RIMS1: variants seen among roughly 807,000 people sequenced by gnomAD.
RIMS1 encodes the protein regulating synaptic membrane exocytosis protein 1.
Under a neutral mutation model 214.1 loss-of-function variants are expected in RIMS1, and 83 were observed. That is an observed-to-expected ratio of 0.39 (90% CI 0.32 to 0.47). The LOEUF (loss-of-function observed/expected upper bound fraction) is 0.47, where lower values mean the gene tolerates loss of function less well. RIMS1 is among the 20% of genes least tolerant of loss of function. The probability of loss-of-function intolerance (pLI) is 0.99; values close to 1 mark genes in which losing one functional copy is unlikely to be tolerated. For synonymous variants in RIMS1, 793 were observed against 786.8 expected (o/e 1.01, Z -0.13); for missense variants, 2,050 against 2,161.8 (o/e 0.95, Z 1.03).
intron 29 of RIMS1, 99 bp downstream of exon 29, chr6:72,333,934 G>A (rs2096754699): frequency 2.3e-6 from 2 of 869,052 alleles, no homozygotes; most frequent in East Asian, 2.7e-5. Context: ...GGCATATTTG[G>A]TTCTTCTTTG....
At chr6:72,234,451 G>A (rs762192025) in intron 7 of RIMS1, among the ~76,000 whole-genome samples, 1 of 151,980 alleles carries the variant, frequency 6.6e-6, no homozygotes, top group Non-Finnish European at 1.5e-5. Flanking sequence ...AGAAAGTACA[G>A]AATTCCCATA....
chr6:72,016,297 T>G (rs1236972462), intron 2 of RIMS1, among the ~76,000 whole-genome samples: 2 of 152,176 alleles, frequency 1.3e-5, no homozygotes, highest in Non-Finnish European at 2.9e-5. Context: ...AGGGTAGTAT[T>G]GTTTTTTACT....
chr6:72,182,779 C>A lies in RIMS1; in HGVS notation c.1308C>A (p.Thr436=). 6.5e-7 allele frequency: 1 copy of A among 1,545,518 alleles called. No homozygotes were observed. Among genetic ancestry groups the A allele is most frequent in the Non-Finnish European group, 8.7e-7 (1 of 1,149,808 alleles). The change falls in exon 6 of 34, where the codon ACC becomes ACA. Residue 436 remains threonine (T), a synonymous_variant. Transcript: ENST00000521978. ...RAYSAERTAE[T]RAPGAKQLTN... ...ACTCGGCTGAGAGAACTGCGGAGACCAGGGCGCCGGGCGCCAAGCAGCTAA... is the reference window on the plus strand; with the variant it reads ...ACTCGGCTGAGAGAACTGCGGAGACAAGGGCGCCGGGCGCCAAGCAGCTAA...
At chr6:71,915,535 G>C (rs921130520) in intron 1 of RIMS1, among the ~76,000 whole-genome samples, 7 of 152,098 alleles carry the variant, frequency 4.6e-5, no homozygotes, top group African/African-American at 1.7e-4. Context: ...CACAAACTCT[G>C]TTTCTTCTCC....
chr6:72,313,266 G>A (rs536660965), intron 27 of RIMS1, among the ~76,000 whole-genome samples: 9 of 152,162 alleles, frequency 5.9e-5, no homozygotes, highest in African/African-American at 1.4e-4. Flanking sequence ...TTCCAATCAG[G>A]CATTTAATGA....
chr6:71,993,838 G>A (rs982507738), intron 2 of RIMS1, among the ~76,000 whole-genome samples: 15 of 152,106 alleles, frequency 9.9e-5, no homozygotes, highest in Non-Finnish European at 1.9e-4. Flanking sequence ...AAAAACTGGA[G>A]TTCTTTCAGA....
chr6:72,297,965 C>G (rs569311966), intron 26 of RIMS1, among the ~76,000 whole-genome samples: 1 of 151,996 alleles, frequency 6.6e-6, no homozygotes, highest in East Asian at 1.9e-4. Flanking sequence ...GTGAGTACAT[C>G]CCGGATAAAT....
chr6:72,279,853 A>C (rs1039024675), intron 23 of RIMS1, among the ~76,000 whole-genome samples: 3 of 151,926 alleles, frequency 2.0e-5, no homozygotes, highest in East Asian at 1.9e-4. Flanking sequence ...CTGGTTATAC[A>C]TGGGATAGCT....
intron 26 of RIMS1, among the ~76,000 whole-genome samples, chr6:72,303,764 G>A (rs1054291111): frequency 1.3e-5 from 2 of 151,422 alleles, no homozygotes; most frequent in Non-Finnish European, 3.0e-5. Context: ...ATACATTTTT[G>A]TAAACTAATA....
In RIMS1 at chr6:72,328,005, A is replaced by G. The variant is rs1053370977; in HGVS notation, c.4131-5595A>G. 7.9e-5 allele frequency among the ~76,000 whole-genome samples: 12 copies of G among 151,908 alleles called. 1 individual carries two copies. The highest frequency in any genetic ancestry group is 2.7e-4 in the African/African-American group (11 of 41,408). On this transcript the variant is annotated intron_variant, in intron 28 of 33. Coordinates refer to ENST00000521978, the MANE Select transcript of RIMS1 (RefSeq NM_014989.7). ...CATTCTACTATAAAGACACATGCAC[A>G]AGTATGTTTATTACAGCAATATTCA...
intron 2 of RIMS1, among the ~76,000 whole-genome samples, chr6:72,065,642 A>C (rs1829103536): frequency 6.6e-6 from 1 of 152,138 alleles, no homozygotes; most frequent in Non-Finnish European, 1.5e-5. Flanking sequence ...GTACTTTATC[A>C]AAGGTTTTGC....
Position 72,274,419 on chromosome 6 carries a change from C to G in RIMS1, c.3469C>G (p.Pro1157Ala), listed in dbSNP as rs770194954. ...CAGGATTCAAATCCAGCATGCGTCT[C>G]CGGAGAATGACAGGTACTAGTCAAC... ...SPRIQIQHAS[P>A]ENDRHSRKSE... The change falls in exon 23 of 34, where the codon CCG becomes GCG. Residue 1157 changes from proline to alanine, a missense_variant. Pro to Ala is a conservative substitution (Grantham distance 27). This residue lies in a region of RIMS1 where 889 missense variants were observed against 885.5 expected (regional missense o/e 1.00). Coordinates refer to ENST00000521978, the MANE Select transcript of RIMS1 (RefSeq NM_014989.7). 6.2e-7 allele frequency: 1 copy of G among 1,612,954 alleles called. No individual in the cohort carries two copies. The highest frequency in any genetic ancestry group is 1.7e-5 in the Admixed American group (1 of 59,982).
At chr6:72,247,372 C>A (rs1317508174) in intron 11 of RIMS1, among the ~76,000 whole-genome samples, 1 of 151,928 alleles carries the variant, frequency 6.6e-6, no homozygotes. Flanking sequence ...CCCGTCTCTA[C>A]TAAAAATACA....
chr6:71,956,500 A>G (rs911361463), intron 1 of RIMS1, among the ~76,000 whole-genome samples: 1 of 152,220 alleles, frequency 6.6e-6, no homozygotes, highest in African/African-American at 2.4e-5. Context: ...TTTGTAATAT[A>G]AGAGGAATAT....
chr6:72,179,379 C>A, intron 4 of RIMS1, 196 bp from the exon 5 acceptor site: 1 of 628,690 alleles, frequency 1.6e-6, no homozygotes, highest in Admixed American at 2.6e-5. Context: ...GAGAGGCTCT[C>A]TAGTCTCAGA....
chr6:72,218,098 G>GT (rs2056975103), intron 6 of RIMS1, among the ~76,000 whole-genome samples: 1 of 65,882 alleles, frequency 1.5e-5, no homozygotes, highest in Non-Finnish European at 2.8e-5. Flanking sequence ...AAATACAGCG[G>GT]TTTTTTTGCT....
chr6:72,085,712 A>G (rs1313292260), intron 2 of RIMS1, among the ~76,000 whole-genome samples: 1 of 152,154 alleles, frequency 6.6e-6, no homozygotes, highest in Non-Finnish European at 1.5e-5. Flanking sequence ...CTACTGAATC[A>G]GAAGCTCTGT....
At chr6:72,242,055 A>G (rs2067182602) in intron 9 of RIMS1, among the ~76,000 whole-genome samples, 1 of 152,122 alleles carries the variant, frequency 6.6e-6, no homozygotes, top group African/African-American at 2.4e-5. Flanking sequence ...ATCTCAAAAG[A>G]TAAAGGTAGT....
chr6:72,022,991 T>C (rs1815204073), intron 2 of RIMS1, among the ~76,000 whole-genome samples: 1 of 152,178 alleles, frequency 6.6e-6, no homozygotes, highest in Non-Finnish European at 1.5e-5. Context: ...TTTTAGTCCT[T>C]TCATTCCCTT....
Sources: allele counts gnomAD v4.1 joint callset (sites outside exome capture counted in the v4.1 genomes callset), GRCh38; gene constraint gnomAD v4.1.1; regional missense constraint gnomAD v4.1.1; transcripts MANE v1.5; gene names NCBI Gene and HGNC (gene_info 2026-07-23, HGNC 2026-07-21).